Variants in PTPRG observed in about 807,000 individuals in gnomAD.
PTPRG encodes the protein receptor-type tyrosine-protein phosphatase gamma.
A neutral mutation model predicts 165.3 loss-of-function variants in PTPRG; 102 were observed. That is an observed-to-expected ratio of 0.62 (90% confidence interval 0.53 to 0.73). PTPRG has a LOEUF of 0.73. Ranked by LOEUF, PTPRG falls within the 30% of genes least tolerant of loss-of-function variation. The pLI, the probability that PTPRG is intolerant of heterozygous loss-of-function variation, is 0.00. For missense variants in PTPRG, 1,866 were observed against 1,861.4 expected (o/e 1.00, Z -0.05); for synonymous variants, 675 against 669.5 (o/e 1.01, Z -0.13).
chr3:61,910,426 T>G (rs1458539274), intron 2 of PTPRG, among the ~76,000 whole-genome samples: 1 of 152,188 alleles, frequency 6.6e-6, no homozygotes, highest in African/African-American at 2.4e-5. Context: ...TCCAACCCAG[T>G]GGGTATGAAA....
chr3:61,924,511 A>T (rs559922392), intron 2 of PTPRG, among the ~76,000 whole-genome samples: 1 of 152,362 alleles, frequency 6.6e-6, no homozygotes, highest in South Asian at 2.1e-4. Flanking sequence ...GTATGAGCTT[A>T]ATTACAATTG....
chr3:61,589,341 A>G (rs1044145865), intron 1 of PTPRG, among the ~76,000 whole-genome samples: 4 of 152,164 alleles, frequency 2.6e-5, no homozygotes, highest in Non-Finnish European at 5.9e-5. Context: ...TAAGGAAACT[A>G]TCACTTGTTG....
chr3:62,152,587 C>T (rs1299596358), intron 6 of PTPRG, among the ~76,000 whole-genome samples: 3 of 152,270 alleles, frequency 2.0e-5, no homozygotes, highest in African/African-American at 7.2e-5. Context: ...CCCCATTTAT[C>T]AGTAGAGCAC....
At chr3:62,174,320 T>C (rs548587166) in intron 8 of PTPRG, among the ~76,000 whole-genome samples, 2 of 152,370 alleles carry the variant, frequency 1.3e-5, no homozygotes, top group East Asian at 3.9e-4. Context: ...TTTGATTTGA[T>C]GGCTTAATTA....
chr3:61,698,997 A>G (rs1447601093), intron 1 of PTPRG, among the ~76,000 whole-genome samples: 1 of 151,990 alleles, frequency 6.6e-6, no homozygotes, highest in Non-Finnish European at 1.5e-5. Context: ...AGGAAGGGGA[A>G]CATCACACAC....
chr3:61,748,730 T>G (rs995389295), intron 1 of PTPRG, 148 bp from the exon 2 acceptor site: 3 of 608,736 alleles, frequency 4.9e-6, no homozygotes, highest in Non-Finnish European at 5.8e-6. Flanking sequence ...CCTATAGTTT[T>G]TTTTTTTTTT....
chr3:61,999,753 G>C (rs1314202278), intron 3 of PTPRG, among the ~76,000 whole-genome samples: 4 of 152,118 alleles, frequency 2.6e-5, no homozygotes, highest in Non-Finnish European at 5.9e-5. Context: ...GAGACTTACT[G>C]CTAGAAATAT....
At chr3:61,612,604 A>G (rs1452854475) in intron 1 of PTPRG, among the ~76,000 whole-genome samples, 1 of 152,202 alleles carries the variant, frequency 6.6e-6, no homozygotes, top group East Asian at 1.9e-4. Context: ...ACCTTTATGC[A>G]TTCTCTAGCC....
At chr3:61,632,537 T>A (rs1293503802) in intron 1 of PTPRG, among the ~76,000 whole-genome samples, 2 of 152,172 alleles carry the variant, frequency 1.3e-5, no homozygotes, top group East Asian at 3.9e-4. Context: ...CATTTTCAGA[T>A]GAGATCAGGC....
chr3:62,176,043 G>A (rs1033961813), intron 8 of PTPRG, among the ~76,000 whole-genome samples: 4 of 151,774 alleles, frequency 2.6e-5, no homozygotes, highest in Admixed American at 2.6e-4. Context: ...GTTTTAAAGA[G>A]GACTCTGGAA....
chr3:62,141,276 A>G (rs144436099), intron 6 of PTPRG, among the ~76,000 whole-genome samples: 3 of 152,244 alleles, frequency 2.0e-5, no homozygotes, highest in East Asian at 1.9e-4. Flanking sequence ...TTCCATTTCT[A>G]TGTCTGTCCC....
At chr3:61,988,977 A>G (rs2040825127) in intron 2 of PTPRG, among the ~76,000 whole-genome samples, 2 of 152,316 alleles carry the variant, frequency 1.3e-5, no homozygotes, top group South Asian at 4.1e-4. Context: ...TTATATGAGT[A>G]CAGAGTCCAG....
At chr3:61,986,726 A>G (rs918107307) in intron 2 of PTPRG, among the ~76,000 whole-genome samples, 6 of 152,176 alleles carry the variant, frequency 3.9e-5, no homozygotes, top group Admixed American at 2.6e-4. Context: ...TGAGCCACTC[A>G]GAAGGATCTT....
intron 1 of PTPRG, among the ~76,000 whole-genome samples, chr3:61,683,000 A>T (rs927405536): frequency 1.8e-4 from 28 of 152,000 alleles, no homozygotes; most frequent in Non-Finnish European, 3.2e-4. Flanking sequence ...TCCTTCCTTA[A>T]TTTTCCACGT....
intron 5 of PTPRG, among the ~76,000 whole-genome samples, chr3:62,094,007 A>C (rs1349339178): frequency 6.6e-6 from 1 of 152,214 alleles, no homozygotes; most frequent in African/African-American, 2.4e-5. Context: ...TTAAGGAAGA[A>C]AACTTTGTTT....
chr3:61,802,024 CAAA>C (rs112361163), intron 2 of PTPRG, among the ~76,000 whole-genome samples: 4 of 112,840 alleles, frequency 3.5e-5, no homozygotes, highest in Admixed American at 9.8e-5. Context: ...GACTCCATCT[CAAA>C]AAAAAAAAAA....
At chr3:61,815,303 G>A (rs660666) in intron 2 of PTPRG, among the ~76,000 whole-genome samples, 37,874 of 151,486 alleles carry the variant, frequency 0.25, 5,023 homozygotes, top group East Asian at 0.36. Context: ...CCAGCTACGT[G>A]GGAGGCTGAG....
chr3:61,959,390 T>TG (rs989712156), intron 2 of PTPRG, among the ~76,000 whole-genome samples: 1 of 152,118 alleles, frequency 6.6e-6, no homozygotes. Flanking sequence ...AATTTTTCCA[T>TG]GGGGGGATGG....
chr3:62,021,653 C>T (rs1358618479), intron 4 of PTPRG, among the ~76,000 whole-genome samples: 3 of 152,026 alleles, frequency 2.0e-5, no homozygotes, highest in East Asian at 1.9e-4. Flanking sequence ...CCTTTACCTT[C>T]GTGAATTGAG....
Sources: gnomAD v4.1 joint callset for allele counts (sites outside exome capture counted in the v4.1 genomes callset) on GRCh38, gnomAD v4.1.1 for gene constraint, MANE v1.5 for transcripts, NCBI Gene and HGNC (gene_info 2026-07-23, HGNC 2026-07-21) for gene names.